The following METTL1 variants were observed in gnomAD, a reference collection of about 807,000 sequenced individuals.
The protein encoded by METTL1 is methyltransferase 1, tRNA methylguanosine, also known as tRNA (guanine-N(7)-)-methyltransferase.
METTL1 carries 14 observed loss-of-function variants against 27.7 expected under a neutral mutation model. The observed-to-expected ratio is 0.51, with a 90% CI of 0.33 to 0.79. The LOEUF (loss-of-function observed/expected upper bound fraction) is 0.79, where lower values mean the gene tolerates loss of function less well. Among genes scored for constraint, METTL1 ranks in the 30% least tolerant of loss-of-function variants. The pLI, the probability that METTL1 is intolerant of heterozygous loss-of-function variation, is 0.02. For synonymous variants in METTL1, 138 were observed against 137.0 expected, an observed-to-expected ratio of 1.01 and a Z score of -0.05; for missense variants, 333 against 359.6, an observed-to-expected ratio of 0.93 and a Z score of 0.60.
chr12:57,769,677 A>T lies in METTL1; in HGVS notation c.461T>A (p.Leu154Gln), dbSNP rs1352481067. Residue 154 changes from leucine (L) to glutamine (Q), a missense_variant and splice_region_variant, in exon 4 of 6, where the codon CTG (leucine) becomes CAG (glutamine). Leu to Gln is a moderately radical substitution (Grantham distance 113). Transcript: ENST00000324871. ...HLPNFFYKGQ[L>Q]TKMFFLFPDP... Reference sequence around the variant, plus strand: ...GGGGAAGAGGAAGAACATCTTTGTCAGCTGTGAGACAGACACACACCAACA... The same window carrying T: ...GGGGAAGAGGAAGAACATCTTTGTCTGCTGTGAGACAGACACACACCAACA... 1.3e-6 allele frequency: 2 copies of T among 1,575,180 alleles called. No individual in the cohort carries two copies. The highest frequency in any genetic ancestry group is 2.7e-5 in the African/African-American group (2 of 73,918).
At chr12:57,771,762 C>G in intron 1 of METTL1, 1 of 1,273,056 alleles carries the variant, frequency 7.9e-7, no homozygotes, top group Middle Eastern at 2.0e-4. Flanking sequence ...AACTTAGCAC[C>G]GCTACCCAGA....
At position 57,769,378 on chromosome 12, in the gene METTL1, C is replaced by G. The variant is rs144161481; in HGVS notation, c.600G>C (p.Val200=). ...TGCACATCCAGTCGTGTAGCTCCAG[C>G]ACATCGGTTATGGTATACACCAGCC... ...VGGLVYTITD[V]LELHDWMCTH... is the part of the protein sequence containing the mutation. The change falls in exon 5 of 6, where the codon GTG becomes GTC. Residue 200 remains valine (V), a synonymous_variant. Coordinates refer to ENST00000324871, the MANE Select transcript of METTL1 (RefSeq NM_005371.6). 3.7e-6 allele frequency: 6 copies of G among 1,614,148 alleles called. No individual in the cohort carries two copies. The highest frequency in any genetic ancestry group is 2.5e-6 in the Non-Finnish European group (3 of 1,180,028).
At chr12:57,769,518 C>T (rs752864645) in intron 4 of METTL1, 47 bp downstream of exon 4, 1 of 1,558,992 alleles carries the variant, frequency 6.4e-7, no homozygotes, top group Admixed American at 1.8e-5. Context: ...TAGTGAAGGG[C>T]CCCTGAGTAG....
In METTL1 at chr12:57,768,731, C is replaced by T. The variant is rs535632215; in HGVS notation, c.*265G>A. The T allele has an allele frequency of 4.8e-6, 2 of 418,040 alleles. No homozygotes were observed. The highest frequency in any genetic ancestry group is 1.3e-4 in the South Asian group (2 of 15,650). The allele number at this position is 418,040 out of a possible 1,614,324, so 25.9% of individuals were successfully genotyped here. On this transcript the variant is annotated 3_prime_UTR_variant, in exon 6 of 6. Coordinates refer to ENST00000324871, the MANE Select transcript of METTL1 (RefSeq NM_005371.6). ...AGGAGTGCTAAGGAAGAGCAAGACC[C>T]CACAGCCTTCCAAAGATCCCCTATG...
At position 57,772,001 on chromosome 12, in the gene METTL1, T is replaced by C. The variant is rs781531025; in HGVS notation, c.83A>G (p.Asn28Ser). ...KRYYRQRAHS[N>S]PMADHTLRYP... is the part of the protein sequence containing the mutation. ...GCGCAGCGTGTGGTCCGCCATGGGG[T>C]TGGAGTGAGCACGTTGCCGGTAGTA... The change falls in exon 1 of 6, where the codon AAC becomes AGC. Residue 28 changes from asparagine (N) to serine (S), a missense_variant. Physicochemically the swap from Asn to Ser is conservative, Grantham distance 46. Transcript: ENST00000324871. This position sits in a 1 kb window ranked among gnomAD's most constrained non-coding sequence, Gnocchi z 4.1. 5.8e-6 allele frequency: 9 copies of C among 1,549,466 alleles called. No homozygotes were observed. The highest frequency in any genetic ancestry group is 1.2e-5 in the South Asian group (1 of 82,062).
In METTL1 at chr12:57,768,924, G is replaced by A; in HGVS notation, c.*72C>T. On this transcript the variant is annotated 3_prime_UTR_variant, in exon 6 of 6. Coordinates refer to ENST00000324871, the MANE Select transcript of METTL1 (RefSeq NM_005371.6). ...TGTCTCAGCTCCAGCAGTCTCAACT[G>A]GGAAGACCCAGGACTCCTGCTCTTT... 6.5e-7 allele frequency: 1 copy of A among 1,542,120 alleles called. No individual in the cohort carries two copies. Among genetic ancestry groups the A allele is most frequent in the South Asian group, 1.2e-5 (1 of 82,600 alleles).
chr12:57,768,969 G>C lies in METTL1; in HGVS notation c.*27C>G. The C allele has an allele frequency of 3.2e-6, 5 of 1,586,024 alleles. No individual in the cohort carries two copies. The highest frequency in any genetic ancestry group is 4.3e-6 in the Non-Finnish European group (5 of 1,158,232). ...CTCTTTTCTCTAATCCCTGGGAGAC[G>C]AGGTCCAGCTAAGGTAGAGTAAGCA... is the stretch of plus-strand genomic sequence containing the variant. On this transcript the variant is annotated 3_prime_UTR_variant, in exon 6 of 6. Coordinates refer to ENST00000324871, the MANE Select transcript of METTL1 (RefSeq NM_005371.6).
intron 1 of METTL1, chr12:57,771,715 T>A (rs1446104971): frequency 6.9e-7 from 1 of 1,442,656 alleles, no homozygotes; most frequent in Non-Finnish European, 9.3e-7. Context: ...TCTGCCTCTA[T>A]CACTTCAGTC....
At position 57,771,146 on chromosome 12, in the gene METTL1, A is replaced by G; in HGVS notation, c.222T>C (p.Ala74=). ...DDPKDKKEKR[A]QAQVEFADIG... ...TGTCTGCAAACTCCACTTGGGCCTG[A>G]GCTCTCTTTTCTTTCTTATCCTTTG... The change falls in exon 2 of 6, where the codon GCT becomes GCC. Residue 74 remains alanine (A), a synonymous_variant. Coordinates refer to ENST00000324871, the MANE Select transcript of METTL1 (RefSeq NM_005371.6). 6.2e-7 allele frequency: 1 copy of G among 1,614,134 alleles called. No homozygotes were observed. Among genetic ancestry groups the G allele is most frequent in the Non-Finnish European group, 8.5e-7 (1 of 1,180,036 alleles).
chr12:57,771,878 G>A lies in METTL1; in HGVS notation c.110+96C>T, dbSNP rs1189019220. ...GACGTCACCCATCTGATCCTCCCGGGTCTACCCCAAATCCTCCCAGCAGTT... is the reference window on the plus strand; with the variant it reads ...GACGTCACCCATCTGATCCTCCCGGATCTACCCCAAATCCTCCCAGCAGTT... On this transcript the variant is annotated intron_variant, in intron 1 of 5. Coordinates refer to ENST00000324871, the MANE Select transcript of METTL1 (RefSeq NM_005371.6). The A allele has an allele frequency of 2.2e-6, 3 of 1,378,522 alleles. No individual in the cohort carries two copies. In the African/African-American group the frequency reaches 4.4e-5, roughly 20 times the overall value. The allele number at this position is 1,378,522 out of a possible 1,614,324, so 85.4% of individuals were successfully genotyped here.
intron 3 of METTL1, 41 bp downstream of exon 3, chr12:57,769,731 C>T (rs1955405407): frequency 1.2e-6 from 2 of 1,609,900 alleles, no homozygotes; most frequent in Non-Finnish European, 1.7e-6. Context: ...CTCCATGCCC[C>T]CACCTGCCTA....
rs1955429920 is a variant in METTL1 at position 57,771,439 on chromosome 12, G to C, written c.111-182C>G. ...CAATGGAAACCACCCTTAACTCCCA[G>C]TGTGAATCATAGGACCATCATGAGG... On this transcript the variant is annotated intron_variant, in intron 1 of 5. Transcript: ENST00000324871. 2.7e-6 allele frequency: 4 copies of C among 1,465,724 alleles called. No homozygotes were observed. In the Admixed American group the frequency reaches 7.4e-5, roughly 27 times the overall value. The allele number at this position is 1,465,724 out of a possible 1,614,324, so 90.8% of individuals were successfully genotyped here. A position where few individuals can be genotyped will look rare whatever the true frequency, so the allele number is the denominator to read the frequency against.
Position 57,769,090 on chromosome 12 carries a change from C to A in METTL1, c.737G>T (p.Arg246Leu), listed in dbSNP as rs140194153. Residue 246 changes from arginine to leucine, a missense_variant, in exon 6 of 6, where the codon CGT becomes CTT. Arg to Leu is a moderately radical substitution (Grantham distance 102). Coordinates refer to ENST00000324871, the MANE Select transcript of METTL1 (RefSeq NM_005371.6). ...GGCTGGGAAATTCTTCCCTCCATTA[C>A]GTAGAACTTTCTTCCCCTCCTCAGT... is the stretch of plus-strand genomic sequence containing the variant. ...TSTEEGKKVL[R>L]NGGKNFPAIF... The A allele has an allele frequency of 1.2e-6, 2 of 1,611,340 alleles. No homozygotes were observed. Among genetic ancestry groups the A allele is most frequent in the Non-Finnish European group, 1.7e-6 (2 of 1,177,620 alleles).
At chr12:57,770,233 T>C (rs1955413540) in intron 2 of METTL1, among the ~76,000 whole-genome samples, 1 of 152,236 alleles carries the variant, frequency 6.6e-6, no homozygotes, top group Non-Finnish European at 1.5e-5. Context: ...TTCATCCTTA[T>C]AACACTCTGT....
chr12:57,770,896 G>A (rs1298039229), intron 2 of METTL1, 198 bp downstream of exon 2: 3 of 546,164 alleles, frequency 5.5e-6, no homozygotes, highest in Non-Finnish European at 9.6e-6. Context: ...GTTTTAAGAA[G>A]CATTTGAGGC....
At position 57,768,601 on chromosome 12, in the gene METTL1, T is replaced by C; in HGVS notation, c.*395A>G. ...TAGGCATGTGTACACATATACATGT[T>C]ATCCCAGGATCCACAAAGCAAACAG... is the stretch of plus-strand genomic sequence containing the variant. On this transcript the variant is annotated 3_prime_UTR_variant, in exon 6 of 6. Transcript: ENST00000324871. 5.0e-6 allele frequency: 1 copy of C among 199,084 alleles called. No homozygotes were observed. Among genetic ancestry groups the C allele is most frequent in the South Asian group, 1.2e-4 (1 of 8,042 alleles). The allele number at this position is 199,084 out of a possible 1,614,324, so 12.3% of individuals were successfully genotyped here.
At chr12:57,771,617 G>T (rs1267385833) in intron 1 of METTL1, 2 of 1,535,432 alleles carry the variant, frequency 1.3e-6, no homozygotes, top group Non-Finnish European at 1.7e-6. Flanking sequence ...TGCGGGGAGG[G>T]AAGGTAAGGT....
At position 57,769,127 on chromosome 12, in the gene METTL1, G is replaced by A; in HGVS notation, c.700C>T (p.Leu234=). 1 of 1,607,034 alleles carries A rather than the reference G, an allele frequency of 6.2e-7. No homozygotes were observed. Among genetic ancestry groups the A allele is most frequent in the Non-Finnish European group, 8.5e-7 (1 of 1,173,954 alleles). Residue 234 remains leucine (L), a synonymous_variant, in exon 6 of 6, where the codon CTA becomes TTA. Coordinates refer to ENST00000324871, the MANE Select transcript of METTL1 (RefSeq NM_005371.6). ...DLSEDPVVGH[L]GTSTEEGKKV... Reference sequence around the variant, plus strand: ...TTCCCCTCCTCAGTTGAGGTGCCTAGATGTCCCACAACGGGGTCTTCACTC... The same window carrying A: ...TTCCCCTCCTCAGTTGAGGTGCCTAAATGTCCCACAACGGGGTCTTCACTC...
At chr12:57,771,032 T>C in intron 2 of METTL1, 62 bp downstream of exon 2, 2 of 1,562,746 alleles carry the variant, frequency 1.3e-6, no homozygotes, top group South Asian at 1.2e-5. Flanking sequence ...CCCACAAAAG[T>C]TGCTGAGGCA....
Sources: gnomAD v4.1 joint callset for allele counts (sites outside exome capture counted in the v4.1 genomes callset) on GRCh38, gnomAD v4.1.1 for gene constraint, Gnocchi (gnomAD v3.1) non-coding constraint, MANE v1.5 for transcripts, NCBI Gene and HGNC (gene_info 2026-07-23, HGNC 2026-07-21) for gene names.